Variants in LRP1B observed in about 807,000 individuals in gnomAD.
The protein encoded by LRP1B is low-density lipoprotein receptor-related protein 1B.
LRP1B carries 217 observed loss-of-function variants against 556.6 expected under a neutral mutation model. The ratio of observed to expected loss-of-function variants is 0.39; its 90% confidence interval spans 0.35 to 0.44. The LOEUF (loss-of-function observed/expected upper bound fraction) is 0.44, where lower values mean the gene tolerates loss of function less well. LRP1B is among the 20% of genes least tolerant of loss of function. The pLI is 1.00. For missense variants in LRP1B, 5,053 were observed against 5,620.8 expected (o/e 0.90, Z 3.23); for synonymous variants, 2,047 against 1,865.8 (o/e 1.10, Z -2.50).
At chr2:142,045,156 A>G (rs1051383660) in intron 1 of LRP1B, among the ~76,000 whole-genome samples, 2 of 144,346 alleles carry the variant, frequency 1.4e-5, no homozygotes, top group African/African-American at 2.5e-5. Flanking sequence ...AAAAAAAAAA[A>G]CAACAACAAA....
At chr2:140,860,420 G>A (rs963214762) in intron 27 of LRP1B, among the ~76,000 whole-genome samples, 1 of 152,110 alleles carries the variant, frequency 6.6e-6, no homozygotes, top group African/African-American at 2.4e-5. Context: ...TTTACTAGTT[G>A]CTATGTTTTC....
Position 140,612,222 on chromosome 2 carries a change from G to A in LRP1B, c.6800-10583C>T, listed in dbSNP as rs530896357. Among the ~76,000 whole-genome samples, 12 of 152,152 alleles carry A rather than the reference G, an allele frequency of 7.9e-5. No individual in the cohort carries two copies. In the East Asian group the frequency reaches 1.9e-3, roughly 24 times the overall value. On this transcript the variant is annotated intron_variant, in intron 41 of 90. Transcript: ENST00000389484. ...TTAGGTGGCAGATATTTTATGAGGT[G>A]TAATAATTCAGGAAAGTGTATGTTA...
At chr2:140,829,540 A>C (rs1311000155) in intron 31 of LRP1B, among the ~76,000 whole-genome samples, 1 of 152,210 alleles carries the variant, frequency 6.6e-6, no homozygotes, top group African/African-American at 2.4e-5. Flanking sequence ...TCAATGGGTC[A>C]ATGAAGAAAT....
chr2:141,262,883 C>A (rs1684751514), intron 3 of LRP1B, among the ~76,000 whole-genome samples: 1 of 151,684 alleles, frequency 6.6e-6, no homozygotes, highest in Admixed American at 6.6e-5. Flanking sequence ...GATTCTAGGT[C>A]CTTTATATTT....
intron 3 of LRP1B, among the ~76,000 whole-genome samples, chr2:141,464,251 A>C (rs1682071024): frequency 6.6e-6 from 1 of 152,146 alleles, no homozygotes; most frequent in Non-Finnish European, 1.5e-5. Context: ...CAATATACAT[A>C]GGGAATTTGG....
At chr2:140,931,425 G>A (rs1286582505) in intron 20 of LRP1B, among the ~76,000 whole-genome samples, 1 of 151,764 alleles carries the variant, frequency 6.6e-6, no homozygotes, top group Non-Finnish European at 1.5e-5. Context: ...TAAGATATTG[G>A]ATGAAACCAT....
At chr2:140,241,915 C>A (rs1439915138) in intron 87 of LRP1B, among the ~76,000 whole-genome samples, 1 of 150,774 alleles carries the variant, frequency 6.6e-6, no homozygotes, top group Non-Finnish European at 1.5e-5. Flanking sequence ...AAAACATAGA[C>A]TCTGTACTTA....
intron 2 of LRP1B, among the ~76,000 whole-genome samples, chr2:141,651,319 T>C (rs567581706): frequency 4.0e-4 from 61 of 152,274 alleles, no homozygotes; most frequent in African/African-American, 1.4e-3. Flanking sequence ...ACAGAACACT[T>C]AGTTAAATAT....
In LRP1B at chr2:141,382,722, G is replaced by A. The variant is rs147063772; in HGVS notation, c.343+97674C>T. Among the ~76,000 whole-genome samples the A allele has an allele frequency of 8.2e-3, 1,243 of 152,282 alleles. 14 individuals are homozygous for A. Among genetic ancestry groups the A allele is most frequent in the African/African-American group, 0.026 (1,075 of 41,552 alleles). On this transcript the variant is annotated intron_variant, in intron 3 of 90. Coordinates refer to ENST00000389484, the MANE Select transcript of LRP1B (RefSeq NM_018557.3). The stretch of plus-strand genomic sequence containing the variant: ...ATACTAGCAAAACAAATGCAACAAC[G>A]CATTAAAAAGATAATTTTCCTTGAG...
intron 2 of LRP1B, among the ~76,000 whole-genome samples, chr2:141,717,118 T>A (rs1692632092): frequency 1.3e-5 from 2 of 152,148 alleles, no homozygotes; most frequent in Non-Finnish European, 2.9e-5. Flanking sequence ...AGGTATGATA[T>A]AAATGTCAGT....
At chr2:141,162,069 C>T (rs1574140913) in intron 7 of LRP1B, among the ~76,000 whole-genome samples, 1 of 152,164 alleles carries the variant, frequency 6.6e-6, no homozygotes, top group East Asian at 1.9e-4. Flanking sequence ...CCTTTCTGTT[C>T]CTAGGCATAT....
intron 3 of LRP1B, among the ~76,000 whole-genome samples, chr2:141,291,104 G>A (rs578001393): frequency 7.3e-4 from 111 of 152,160 alleles, no homozygotes; most frequent in African/African-American, 2.6e-3. Context: ...AAACATTATT[G>A]ATAGGTTTAT....
chr2:140,937,213 T>A (rs964641121), intron 20 of LRP1B, among the ~76,000 whole-genome samples: 1 of 151,942 alleles, frequency 6.6e-6, no homozygotes, highest in Non-Finnish European at 1.5e-5. Context: ...AAAGGGCACA[T>A]AGGAAACAAA....
chr2:140,542,134 C>T (rs1312874370), intron 43 of LRP1B, among the ~76,000 whole-genome samples, 163 bp from the exon 44 acceptor site: 1 of 140,846 alleles, frequency 7.1e-6, no homozygotes, highest in Admixed American at 7.2e-5. Flanking sequence ...TGATAATATG[C>T]TTTATATTTT....
rs151031195 is a variant in LRP1B at position 140,813,807 on chromosome 2, C to T, written c.5210-1G>A. On this transcript the variant is annotated splice_acceptor_variant, in intron 31 of 90. Transcript: ENST00000389484. LOFTEE classifies it high-confidence loss of function. ...TTTTCCACATAGTCTATCGATAGAC[C>T]TGTAATTAAATTTTACAACTTAAAC... 6.3e-7 allele frequency: 1 copy of T among 1,595,612 alleles called. No individual in the cohort carries two copies. The highest frequency in any genetic ancestry group is 1.3e-5 in the African/African-American group (1 of 74,128).
chr2:141,752,043 C>A (rs1460841176), intron 2 of LRP1B, among the ~76,000 whole-genome samples: 1 of 151,676 alleles, frequency 6.6e-6, no homozygotes, highest in South Asian at 2.1e-4. Flanking sequence ...CAGATTATGA[C>A]TTTTCCCAAT....
intron 33 of LRP1B, among the ~76,000 whole-genome samples, chr2:140,772,386 C>T (rs1573697270): frequency 6.6e-6 from 1 of 151,862 alleles, no homozygotes; most frequent in African/African-American, 2.4e-5. Flanking sequence ...CTTGGCTTAT[C>T]GCAACCTCCG....
At chr2:140,645,494 A>G (rs1382255347) in intron 41 of LRP1B, among the ~76,000 whole-genome samples, 3 of 140,276 alleles carry the variant, frequency 2.1e-5, no homozygotes, top group Admixed American at 1.4e-4. Context: ...CTTTCTTTCT[A>G]TATTCCTCAT....
chr2:141,948,056 G>T (rs1193047048), intron 1 of LRP1B, among the ~76,000 whole-genome samples: 1 of 152,064 alleles, frequency 6.6e-6, no homozygotes, highest in African/African-American at 2.4e-5. Context: ...CCAGCACTTT[G>T]TGAGGCCGCC....
Sources: allele counts gnomAD v4.1 joint callset (sites outside exome capture counted in the v4.1 genomes callset), GRCh38; gene constraint gnomAD v4.1.1; transcripts MANE v1.5; gene names NCBI Gene and HGNC (gene_info 2026-07-23, HGNC 2026-07-21).